NAA15: variants seen among roughly 807,000 people sequenced by gnomAD.
NAA15 encodes the protein N-alpha-acetyltransferase 15, NatA auxiliary subunit.
A neutral mutation model predicts 114.0 loss-of-function variants in NAA15; 34 were observed. The ratio of observed to expected loss-of-function variants is 0.30; its 90% CI spans 0.23 to 0.40. The LOEUF (loss-of-function observed/expected upper bound fraction) is 0.40. Among genes scored for constraint, NAA15 ranks in the 10% least tolerant of loss-of-function variants. The pLI is 1.00. For missense variants in NAA15, 658 were observed against 1,004.5 expected, an observed-to-expected ratio of 0.66 and a Z score of 4.66; for synonymous variants, 340 against 338.0, an observed-to-expected ratio of 1.01 and a Z score of -0.06.
At chr4:139,328,801 C>T (rs1287895042) in intron 1 of NAA15, among the ~76,000 whole-genome samples, 10 of 151,336 alleles carry the variant, frequency 6.6e-5, no homozygotes, top group East Asian at 1.9e-4. Flanking sequence ...CTCTTGATCT[C>T]GTGATCCGCT....
intron 1 of NAA15, among the ~76,000 whole-genome samples, chr4:139,326,114 A>G (rs765580788): frequency 2.6e-5 from 4 of 152,276 alleles, no homozygotes; most frequent in East Asian, 3.9e-4. Context: ...GCTTTCTACA[A>G]TGGCCATTAC....
At chr4:139,361,343 T>G (rs937163052) in intron 13 of NAA15, among the ~76,000 whole-genome samples, 5 of 152,168 alleles carry the variant, frequency 3.3e-5, no homozygotes, top group Non-Finnish European at 7.4e-5. Context: ...CTTATAATCC[T>G]TTGCAAATGA....
intron 14 of NAA15, among the ~76,000 whole-genome samples, chr4:139,366,932 A>G (rs1748302015): frequency 1.3e-5 from 2 of 152,222 alleles, no homozygotes; most frequent in Admixed American, 1.3e-4. Flanking sequence ...TATGCAAAAT[A>G]TAGTTAGCCA....
intron 4 of NAA15, 50 bp downstream of exon 4, chr4:139,341,119 C>T: frequency 7.9e-7 from 1 of 1,268,394 alleles, no homozygotes. Context: ...AAAATATGTA[C>T]AACTTTGAGT....
At chr4:139,332,631 G>A (rs1747060304) in intron 1 of NAA15, among the ~76,000 whole-genome samples, 1 of 127,146 alleles carries the variant, frequency 7.9e-6, no homozygotes, top group Non-Finnish European at 1.6e-5. Flanking sequence ...TGCCCAGGCT[G>A]GAGTGTGGTG....
At chr4:139,304,153 A>C (rs1431271666) in intron 1 of NAA15, among the ~76,000 whole-genome samples, 3 of 152,174 alleles carry the variant, frequency 2.0e-5, no homozygotes, top group Non-Finnish European at 2.9e-5. Context: ...CTCCTGACCT[A>C]GTGATCCGCC....
At chr4:139,305,457 C>G (rs1458338599) in intron 1 of NAA15, among the ~76,000 whole-genome samples, 1 of 146,702 alleles carries the variant, frequency 6.8e-6, no homozygotes, top group South Asian at 2.1e-4. Context: ...TTTTTTTTTG[C>G]CCGGTCTGAT....
intron 15 of NAA15, among the ~76,000 whole-genome samples, chr4:139,370,743 C>T (rs372377831): frequency 5.3e-4 from 80 of 152,214 alleles, no homozygotes; most frequent in African/African-American, 1.6e-3. Flanking sequence ...GTTTTCTCAT[C>T]TATAAAATGG....
At chr4:139,327,811 A>G (rs1029373422) in intron 1 of NAA15, among the ~76,000 whole-genome samples, 3 of 151,792 alleles carry the variant, frequency 2.0e-5, no homozygotes, top group African/African-American at 4.8e-5. Flanking sequence ...CATTACAGGC[A>G]TGCACCACCA....
At chr4:139,360,200 G>T (rs545680019) in intron 12 of NAA15, among the ~76,000 whole-genome samples, 5 of 151,924 alleles carry the variant, frequency 3.3e-5, no homozygotes, top group African/African-American at 9.7e-5. Flanking sequence ...TCTTTTTCTT[G>T]TATTAATCCC....
chr4:139,315,000 G>T (rs144917307), intron 1 of NAA15, among the ~76,000 whole-genome samples: 10,319 of 77,078 alleles, frequency 0.13, 1,288 homozygotes, highest in Non-Finnish European at 0.17. Flanking sequence ...GTTCAGTTCA[G>T]TTTAGTTTAG....
chr4:139,304,966 G>A (rs1394099508), intron 1 of NAA15, among the ~76,000 whole-genome samples: 1 of 152,104 alleles, frequency 6.6e-6, no homozygotes, highest in East Asian at 1.9e-4. Flanking sequence ...GGAGTGTAGT[G>A]GCTATTTATA....
At chr4:139,344,703 T>G (rs1005586902) in intron 6 of NAA15, among the ~76,000 whole-genome samples, 3 of 152,346 alleles carry the variant, frequency 2.0e-5, no homozygotes, top group East Asian at 1.9e-4. Context: ...TAAACTATAG[T>G]GTATGTAGTA....
intron 17 of NAA15, chr4:139,379,341 AT>A (rs1579137548): frequency 1.3e-5 from 2 of 152,296 alleles, no homozygotes; most frequent in African/African-American, 4.8e-5. Context: ...TCAGTTTTAT[AT>A]TAGTTTTAAT....
At chr4:139,335,674 T>C (rs1220941720) in intron 2 of NAA15, among the ~76,000 whole-genome samples, 1 of 152,070 alleles carries the variant, frequency 6.6e-6, no homozygotes, top group Non-Finnish European at 1.5e-5. Context: ...ATTTCACTGT[T>C]TCTAAAATGT....
chr4:139,351,943 TTTG>T (rs1300073432), intron 9 of NAA15, among the ~76,000 whole-genome samples: 2 of 152,068 alleles, frequency 1.3e-5, no homozygotes, highest in African/African-American at 4.8e-5. Context: ...GTGCTTGTTT[TTTG>T]TTTTTTTTTT....
intron 10 of NAA15, among the ~76,000 whole-genome samples, chr4:139,356,829 G>A (rs1175673261): frequency 6.6e-6 from 1 of 151,620 alleles, no homozygotes; most frequent in East Asian, 1.9e-4. Context: ...CTCATTTTTG[G>A]GGTATAGTTT....
At chr4:139,301,925 C>G in intron 1 of NAA15, 94 bp downstream of exon 1, 1 of 1,349,696 alleles carries the variant, frequency 7.4e-7, no homozygotes, top group Non-Finnish European at 1.0e-6. Context: ...CTGAGCCACT[C>G]CCGCCCGGGA....
chr4:139,325,738 T>TC (rs1746779213), intron 1 of NAA15, among the ~76,000 whole-genome samples: 1 of 152,232 alleles, frequency 6.6e-6, no homozygotes, highest in African/African-American at 2.4e-5. Context: ...AGCCTTGGAC[T>TC]CCTGGGCTCA....
Sources: gnomAD v4.1 joint callset for allele counts (sites outside exome capture counted in the v4.1 genomes callset) on GRCh38, gnomAD v4.1.1 for gene constraint, MANE v1.5 for transcripts, NCBI Gene and HGNC (gene_info 2026-07-23, HGNC 2026-07-21) for gene names.